The following ASPH variants were observed in gnomAD, a reference collection of about 807,000 sequenced individuals.
ASPH encodes aspartate beta-hydroxylase, also known as aspartyl/asparaginyl beta-hydroxylase.
A neutral mutation model predicts 118.4 loss-of-function variants in ASPH; 100 were observed. The observed-to-expected ratio is 0.84, with a 90% CI of 0.72 to 1.00. ASPH has a LOEUF of 1.00. Ranked by LOEUF, ASPH falls within the 50% of genes least tolerant of loss-of-function variation. ASPH has a pLI of 0.00. For missense variants in ASPH, 920 were observed against 919.5 expected (o/e 1.00, Z -0.01); for synonymous variants, 315 against 325.6 (o/e 0.97, Z 0.35).
chr8:61,713,473 C>G (rs1460175860), intron 1 of ASPH, among the ~76,000 whole-genome samples: 1 of 152,222 alleles, frequency 6.6e-6, no homozygotes, highest in East Asian at 1.9e-4. Context: ...TTACAGCTCA[C>G]ATTCCATACA....
At chr8:61,571,726 T>C (rs900772581) in intron 16 of ASPH, among the ~76,000 whole-genome samples, 2 of 152,238 alleles carry the variant, frequency 1.3e-5, no homozygotes, top group African/African-American at 4.8e-5. Flanking sequence ...TAATATTACA[T>C]ATAAGGAAAA....
chr8:61,650,318 C>T (rs1022798286), intron 5 of ASPH, among the ~76,000 whole-genome samples: 1 of 152,126 alleles, frequency 6.6e-6, no homozygotes, highest in Admixed American at 6.6e-5. Context: ...AACTACAGGG[C>T]ATTGTTTGTT....
intron 5 of ASPH, among the ~76,000 whole-genome samples, chr8:61,647,409 G>A (rs1001341767): frequency 6.6e-6 from 1 of 152,176 alleles, no homozygotes; most frequent in Non-Finnish European, 1.5e-5. Flanking sequence ...GGCAGCTCAC[G>A]CCTATAATCC....
In ASPH at chr8:61,640,916, T is replaced by G. The variant is rs143550885; in HGVS notation, c.790+1972A>C. ...TATGTTCTGGGGTTTGCAAGTTTCA[T>G]ACAGAATATATTCTATTCTCCCATT... On this transcript the variant is annotated intron_variant, in intron 10 of 24. Coordinates refer to ENST00000379454, the MANE Select transcript of ASPH (RefSeq NM_004318.4). 5.9e-3 allele frequency among the ~76,000 whole-genome samples: 893 copies of G among 152,362 alleles called. 6 individuals are homozygous for G. The highest frequency in any genetic ancestry group is 0.01 in the Non-Finnish European group (711 of 68,032).
chr8:61,514,592 C>T (rs1481551704), intron 24 of ASPH, among the ~76,000 whole-genome samples: 2 of 151,986 alleles, frequency 1.3e-5, no homozygotes, highest in Non-Finnish European at 2.9e-5. Context: ...GCCTGTAGTC[C>T]CAGCTACTTG....
At position 61,578,441 on chromosome 8, in the gene ASPH, C is replaced by A. The variant is rs551556762; in HGVS notation, c.1063-1583G>T. The A allele has an allele frequency of 8.1e-6, 13 of 1,599,698 alleles. No homozygotes were observed. In the Admixed American group the frequency reaches 1.0e-4, roughly 12 times the overall value. Reference sequence around the variant, plus strand: ...TCATGGTCAACCAGAGCCTACTGAGCCCCCTTGTCCTGGAGGTGGACCCCA... The same window carrying A: ...TCATGGTCAACCAGAGCCTACTGAGACCCCTTGTCCTGGAGGTGGACCCCA... On this transcript the variant is annotated intron_variant, in intron 15 of 24. Transcript: ENST00000379454.
intron 21 of ASPH, among the ~76,000 whole-genome samples, chr8:61,539,308 A>T (rs1222882147): frequency 6.6e-6 from 1 of 152,198 alleles, no homozygotes; most frequent in East Asian, 1.9e-4. Context: ...GGTCTGCAGC[A>T]ACCTCAATTC....
chr8:61,581,701 C>A (rs894625922), intron 15 of ASPH, among the ~76,000 whole-genome samples: 8 of 152,144 alleles, frequency 5.3e-5, no homozygotes, highest in Non-Finnish European at 1.0e-4. Flanking sequence ...TGGTTTAGAG[C>A]CAGTGGTGTG....
chr8:61,539,032 C>A lies in ASPH; in HGVS notation c.1764+9039G>T, dbSNP rs144291258. ...CAAGGTAGACGGATCACCTGAGGTC[C>A]GGAGTTTGAGACCAGCTTGGCCAAC... On this transcript the variant is annotated intron_variant, in intron 21 of 24. Transcript: ENST00000379454. 9.5e-4 allele frequency among the ~76,000 whole-genome samples: 144 copies of A among 152,068 alleles called. 1 individual carries two copies. In the Middle Eastern group the frequency reaches 0.027, roughly 29 times the overall value.
At position 61,525,356 on chromosome 8, in the gene ASPH, G is replaced by GCACACA. The variant is rs575416248; in HGVS notation, c.1900+615_1900+620dup. On this transcript the variant is annotated intron_variant, in intron 22 of 24. Transcript: ENST00000379454. ...CAATTCACTGAAAACACACACACAC[G>GCACACA]CACACACACACACATACACACACGC... is the stretch of plus-strand genomic sequence containing the variant. Among the ~76,000 whole-genome samples, 18 of 143,922 alleles carry GCACACA rather than the reference G, an allele frequency of 1.3e-4. No homozygotes were observed. In the East Asian group the frequency reaches 3.4e-3, roughly 27 times the overall value. 94.4% of individuals were successfully genotyped at this position (143,922 alleles called of 152,430 possible).
At chr8:61,590,430 G>T (rs1361500723) in intron 14 of ASPH, among the ~76,000 whole-genome samples, 1 of 152,106 alleles carries the variant, frequency 6.6e-6, no homozygotes, top group Non-Finnish European at 1.5e-5. Flanking sequence ...CACCAGTGAA[G>T]GACTCTAGAT....
intron 17 of ASPH, among the ~76,000 whole-genome samples, chr8:61,563,453 A>G (rs1830641477): frequency 6.6e-6 from 1 of 152,206 alleles, no homozygotes; most frequent in Admixed American, 6.5e-5. Flanking sequence ...ACAAAGGCAT[A>G]CTTTGCACGC....
intron 14 of ASPH, among the ~76,000 whole-genome samples, chr8:61,592,308 T>A (rs1587789084): frequency 6.6e-6 from 1 of 152,378 alleles, no homozygotes; most frequent in East Asian, 1.9e-4. Flanking sequence ...TGTGCCTGAC[T>A]CTTATTAATA....
intron 1 of ASPH, among the ~76,000 whole-genome samples, chr8:61,708,264 T>C (rs1299259506): frequency 6.6e-6 from 1 of 152,220 alleles, no homozygotes; most frequent in Admixed American, 6.5e-5. Context: ...ACTAGCTCTC[T>C]GCCAAAAAGC....
chr8:61,562,382 A>AGTGGGTCTCTGT (rs1830262557), intron 18 of ASPH, among the ~76,000 whole-genome samples: 1 of 31,128 alleles, frequency 3.2e-5, no homozygotes, highest in Non-Finnish European at 1.0e-4. Flanking sequence ...AAAAAAGGAA[A>AGTGGGTCTCTGT]GTGTGTCTGT....
At chr8:61,629,694 T>A (rs1854664274) in intron 13 of ASPH, among the ~76,000 whole-genome samples, 1 of 152,234 alleles carries the variant, frequency 6.6e-6, no homozygotes, top group African/African-American at 2.4e-5. Context: ...ACCTTTGACA[T>A]TCCTGAGGCC....
chr8:61,607,815 A>G (rs539862440), intron 14 of ASPH, among the ~76,000 whole-genome samples: 1 of 152,198 alleles, frequency 6.6e-6, no homozygotes, highest in Non-Finnish European at 1.5e-5. Context: ...TCGTCATCCT[A>G]TACAGCAATA....
At position 61,608,261 on chromosome 8, in the gene ASPH, C is replaced by CTA. The variant is rs1846184562; in HGVS notation, c.976+10716_976+10717insTA. ...CTTTTAGTCCTGATTAAAATTTGCA[C>CTA]GGTTTGCTAAAGGAATGGAGCTGAG... On this transcript the variant is annotated intron_variant, in intron 14 of 24. Coordinates refer to ENST00000379454, the MANE Select transcript of ASPH (RefSeq NM_004318.4). Among the ~76,000 whole-genome samples, 5 of 152,238 alleles carry CTA rather than the reference C, an allele frequency of 3.3e-5. No individual in the cohort carries two copies. The South Asian group carries it at 1.0e-3, about 32-fold the overall frequency.
At chr8:61,671,730 G>C (rs1822659063) in intron 3 of ASPH, among the ~76,000 whole-genome samples, 1 of 152,218 alleles carries the variant, frequency 6.6e-6, no homozygotes, top group Non-Finnish European at 1.5e-5. Context: ...GAACGTAAGA[G>C]AGTTGCCTAA....
Sources: allele counts gnomAD v4.1 joint callset (sites outside exome capture counted in the v4.1 genomes callset), GRCh38; gene constraint gnomAD v4.1.1; transcripts MANE v1.5; gene names NCBI Gene and HGNC (gene_info 2026-07-23, HGNC 2026-07-21).